Variants in IFT140 observed in about 807,000 individuals in gnomAD.
IFT140 encodes intraflagellar transport 140, also known as intraflagellar transport protein 140 homolog.
Under a neutral mutation model 164.6 loss-of-function variants are expected in IFT140, and 133 were observed. The ratio of observed to expected loss-of-function variants is 0.81; its 90% CI spans 0.70 to 0.93. The LOEUF (loss-of-function observed/expected upper bound fraction) is 0.93. Among genes scored for constraint, IFT140 ranks in the 40% least tolerant of loss-of-function variants. The pLI is 0.00. For missense variants in IFT140, 2,045 were observed against 1,972.3 expected, an observed-to-expected ratio of 1.04 and a Z score of -0.70; for synonymous variants, 860 against 817.3, an observed-to-expected ratio of 1.05 and a Z score of -0.89.
At chr16:1,598,640 A>T (rs1356884247) in intron 4 of IFT140, among the ~76,000 whole-genome samples, 7 of 152,250 alleles carry the variant, frequency 4.6e-5, no homozygotes, top group Non-Finnish European at 1.5e-5. Context: ...CTAGGGAGAG[A>T]GGCTGGTGTG....
At chr16:1,567,976 G>A (rs2033810923) in intron 15 of IFT140, among the ~76,000 whole-genome samples, 1 of 152,234 alleles carries the variant, frequency 6.6e-6, no homozygotes, top group Non-Finnish European at 1.5e-5. Context: ...GAGAAAGGCA[G>A]GGGACAGAAG....
In IFT140 at chr16:1,587,846, A is replaced by G. The variant is rs560111717; in HGVS notation, c.902+87T>C. On this transcript the variant is annotated intron_variant, in intron 8 of 30. Coordinates refer to ENST00000426508, the MANE Select transcript of IFT140 (RefSeq NM_014714.4). ...TCAGCATCATATGTGCATTTTACAT[A>G]TGCTCCATTCCAACACAAAGCTGAC... 2.4e-4 allele frequency: 236 copies of G among 997,866 alleles called. 1 individual carries two copies. The highest frequency in any genetic ancestry group is 3.4e-4 in the Non-Finnish European group (228 of 667,726). The allele number at this position is 997,866 out of a possible 1,614,324, so 61.8% of individuals were successfully genotyped here.
intron 6 of IFT140, among the ~76,000 whole-genome samples, chr16:1,590,868 T>G (rs529037600): frequency 6.6e-6 from 1 of 152,160 alleles, no homozygotes; most frequent in Non-Finnish European, 1.5e-5. Context: ...TGGGTTCAAG[T>G]GATCCTCCCA....
intron 19 of IFT140, chr16:1,534,606 C>T: frequency 6.3e-7 from 1 of 1,597,072 alleles, no homozygotes; most frequent in Non-Finnish European, 8.5e-7. Flanking sequence ...GGCTCGAGGG[C>T]ACATGGGAGA....
At chr16:1,518,895 C>T (rs1231108312) in intron 29 of IFT140, among the ~76,000 whole-genome samples, 1 of 152,054 alleles carries the variant, frequency 6.6e-6, no homozygotes, top group African/African-American at 2.4e-5. Flanking sequence ...TGACTGGAGC[C>T]GTGTGGAGCT....
Position 1,524,776 on chromosome 16 carries a change from G to C in IFT140, c.2997+8C>G, listed in dbSNP as rs372183503. ...TCCGCCTGGCCGGCTCCCCTGCGGGGACCTTACCTTCTGGACATTGCCCTG... is the reference window on the plus strand; with the variant it reads ...TCCGCCTGGCCGGCTCCCCTGCGGGCACCTTACCTTCTGGACATTGCCCTG... On this transcript the variant is annotated splice_region_variant and intron_variant, in intron 23 of 30. Transcript: ENST00000426508. 1.0e-4 allele frequency: 165 copies of C among 1,602,122 alleles called. No homozygotes were observed. Among genetic ancestry groups the C allele is most frequent in the Non-Finnish European group, 1.4e-4 (161 of 1,170,520 alleles).
At chr16:1,561,097 C>G (rs1485368147) in intron 18 of IFT140, among the ~76,000 whole-genome samples, 1 of 152,240 alleles carries the variant, frequency 6.6e-6, no homozygotes, top group Non-Finnish European at 1.5e-5. Context: ...AGCCAGGCTC[C>G]TCTCTGAAAA....
intron 14 of IFT140, among the ~76,000 whole-genome samples, chr16:1,571,062 G>C (rs2033988671): frequency 1.3e-5 from 2 of 152,192 alleles, no homozygotes; most frequent in African/African-American, 4.8e-5. Context: ...CAGCCTGAAT[G>C]ATTTTTTAAA....
At chr16:1,604,827 G>A (rs183196760) in intron 3 of IFT140, among the ~76,000 whole-genome samples, 45 of 152,220 alleles carry the variant, frequency 3.0e-4, no homozygotes, top group African/African-American at 1.1e-3. Context: ...AGGGGAGTGG[G>A]AAATGTCAAC....
rs74986043 is a variant in IFT140 at position 1,565,831 on chromosome 16, C to G, written c.1901+330G>C. Among the ~76,000 whole-genome samples, 45 of 152,342 alleles carry G rather than the reference C, an allele frequency of 3.0e-4. No individual in the cohort carries two copies. The East Asian group carries it at 8.5e-3, about 29-fold the overall frequency. On this transcript the variant is annotated intron_variant, in intron 16 of 30. Coordinates refer to ENST00000426508, the MANE Select transcript of IFT140 (RefSeq NM_014714.4). ...CATTCTTTAAACAGGCAAATGCCCCCCTACATGAGAGACGCGGATGGGTCT... is the reference window on the plus strand; with the variant it reads ...CATTCTTTAAACAGGCAAATGCCCCGCTACATGAGAGACGCGGATGGGTCT...
intron 17 of IFT140, among the ~76,000 whole-genome samples, chr16:1,563,457 C>A (rs1021726120): frequency 6.0e-4 from 91 of 150,940 alleles, no homozygotes; most frequent in African/African-American, 2.0e-3. Flanking sequence ...AAAAAACAAA[C>A]AAAACAAACA....
intron 3 of IFT140, among the ~76,000 whole-genome samples, chr16:1,603,831 T>G (rs1002631911): frequency 6.6e-6 from 1 of 152,162 alleles, no homozygotes; most frequent in African/African-American, 2.4e-5. Flanking sequence ...GGGGAAGATA[T>G]AAGTGCGTTT....
At position 1,587,327 on chromosome 16, in the gene IFT140, C is replaced by T. The variant is rs759464580; in HGVS notation, c.903-23G>A. 2.0e-6 allele frequency: 3 copies of T among 1,466,310 alleles called. No individual in the cohort carries two copies. In the South Asian group the frequency reaches 3.4e-5, roughly 17 times the overall value. 90.8% of individuals were successfully genotyped at this position (1,466,310 alleles called of 1,614,324 possible). ...AATCTACAACAGAAGAAAGCAAGCC[C>T]CATGGAGGGCCTGTGTTAGTGGCGT... On this transcript the variant is annotated intron_variant, in intron 8 of 30. Transcript: ENST00000426508.
At chr16:1,607,070 A>T (rs2036111091) in intron 3 of IFT140, 50 bp downstream of exon 3, 2 of 1,591,088 alleles carry the variant, frequency 1.3e-6, no homozygotes, top group Non-Finnish European at 1.7e-6. Flanking sequence ...AACACAAACA[A>T]CATGAGCCAG....
chr16:1,518,439 G>A, intron 29 of IFT140, 82 bp from the exon 30 acceptor site: 1 of 1,378,306 alleles, frequency 7.3e-7, no homozygotes, highest in Non-Finnish European at 9.7e-7. Context: ...CTCTTGGCCT[G>A]TAAGAGGAGC....
chr16:1,552,090 A>G (rs1483147948), intron 19 of IFT140, among the ~76,000 whole-genome samples: 1 of 152,116 alleles, frequency 6.6e-6, no homozygotes, highest in African/African-American at 2.4e-5. Flanking sequence ...CCACTGTTCC[A>G]TTCGGATGAA....
At chr16:1,600,837 TGAGA>T (rs1596458756) in intron 4 of IFT140, among the ~76,000 whole-genome samples, 1 of 150,216 alleles carries the variant, frequency 6.7e-6, no homozygotes, top group Non-Finnish European at 1.5e-5. Context: ...CCAACTTGAG[TGAGA>T]GTCTATAAAA....
At chr16:1,526,255 C>G (rs2141181593) in intron 20 of IFT140, 178 bp from the exon 21 acceptor site, 1 of 649,486 alleles carries the variant, frequency 1.5e-6, no homozygotes, top group East Asian at 2.8e-5. Flanking sequence ...CGTCCCACGG[C>G]TGGAGAGTGA....
intron 30 of IFT140, chr16:1,514,661 A>G (rs2040291240): frequency 6.6e-6 from 1 of 151,960 alleles, no homozygotes; most frequent in Non-Finnish European, 1.5e-5. Flanking sequence ...AAAAAGCAAT[A>G]CTCTTTGGAG....
Sources: gnomAD v4.1 joint callset for allele counts (sites outside exome capture counted in the v4.1 genomes callset) on GRCh38, gnomAD v4.1.1 for gene constraint, MANE v1.5 for transcripts, NCBI Gene and HGNC (gene_info 2026-07-23, HGNC 2026-07-21) for gene names.